Variants in WRAP73 observed in about 807,000 individuals in gnomAD.
WRAP73 encodes the protein WD repeat containing, antisense to TP73, also known as WD repeat-containing protein WRAP73.
Under a neutral mutation model 59.6 loss-of-function variants are expected in WRAP73, and 55 were observed. The observed-to-expected ratio is 0.92, with a 90% CI of 0.74 to 1.15. The LOEUF is 1.15. Ranked by LOEUF, WRAP73 falls within the 50% of genes most tolerant of loss-of-function variation. WRAP73 has a pLI of 0.00. For synonymous variants in WRAP73, 265 were observed against 258.2 expected, an observed-to-expected ratio of 1.03 and a Z score of -0.25; for missense variants, 592 against 608.1, an observed-to-expected ratio of 0.97 and a Z score of 0.28.
At position 3,634,879 on chromosome 1, in the gene WRAP73, G is replaced by A. The variant is rs139536780; in HGVS notation, c.816+118C>T. The stretch of plus-strand genomic sequence containing the variant: ...TGAAATGTCACAGTAGCAAGTTTAC[G>A]GTGATGGAAGTGCCCGGTTAAATAA... On this transcript the variant is annotated intron_variant, in intron 8 of 11. Transcript: ENST00000270708. The A allele has an allele frequency of 5.0e-5, 60 of 1,205,876 alleles. No homozygotes were observed. In the East Asian group the frequency reaches 1.0e-3, roughly 20 times the overall value. The allele number at this position is 1,205,876 out of a possible 1,614,324, so 74.7% of individuals were successfully genotyped here. A position where few individuals can be genotyped will look rare whatever the true frequency, so the allele number is the denominator to read the frequency against.
At chr1:3,640,374 G>T (rs956568272) in intron 3 of WRAP73, among the ~76,000 whole-genome samples, 3 of 151,876 alleles carry the variant, frequency 2.0e-5, no homozygotes, top group South Asian at 2.1e-4. Context: ...TGGGTGCAGC[G>T]CCTGAGGCTC....
At position 3,646,910 on chromosome 1, in the gene WRAP73, T is replaced by C; in HGVS notation, c.223-128A>G. On this transcript the variant is annotated intron_variant, in intron 2 of 11. Coordinates refer to ENST00000270708, the MANE Select transcript of WRAP73 (RefSeq NM_017818.4). The surrounding 1 kb of genome is among the most constrained non-coding windows in gnomAD (Gnocchi z 5.1). Reference sequence around the variant, plus strand: ...TGTCTTCAAACTCATCAGCAGTCTATAGCGAGGCCTCGCCGAGAGACAACT... The same window carrying C: ...TGTCTTCAAACTCATCAGCAGTCTACAGCGAGGCCTCGCCGAGAGACAACT... 1.4e-6 allele frequency: 1 copy of C among 714,972 alleles called. No individual in the cohort carries two copies. The highest frequency in any genetic ancestry group is 2.4e-6 in the Non-Finnish European group (1 of 424,040). 44.3% of individuals were successfully genotyped at this position (714,972 alleles called of 1,614,324 possible). A position where few individuals can be genotyped will look rare whatever the true frequency, so the allele number is the denominator to read the frequency against.
In WRAP73 at chr1:3,631,227, G is replaced by C. The variant is rs74048688; in HGVS notation, c.1241-110C>G. 7.6e-4 allele frequency: 1,159 copies of C among 1,526,542 alleles called. 10 individuals are homozygous for C. The African/African-American group carries it at 0.014, about 19-fold the overall frequency. The allele number at this position is 1,526,542 out of a possible 1,614,324, so 94.6% of individuals were successfully genotyped here. A position where few individuals can be genotyped will look rare whatever the true frequency, so the allele number is the denominator to read the frequency against. On this transcript the variant is annotated intron_variant, in intron 11 of 11. Transcript: ENST00000270708. ...CACAGTGCCTGGAGTGACCCACATA[G>C]GCAGAGCCAGGGTGGAGCCCCAGAG... is the stretch of plus-strand genomic sequence containing the variant.
chr1:3,645,919 G>C (rs534713052), intron 3 of WRAP73, among the ~76,000 whole-genome samples: 1 of 152,132 alleles, frequency 6.6e-6, no homozygotes, highest in East Asian at 1.9e-4. Flanking sequence ...GGTGCGAGCC[G>C]GCTCATATCA....
rs536643698 is a variant in WRAP73, at chr1:3,642,465, A to G, written c.340-3643T>C. ...AAATAAATGCTGCTGGGAGCTGGGC[A>G]CGGTGGCTCACACCTGTAATCCCAG... On this transcript the variant is annotated intron_variant, in intron 3 of 11. Coordinates refer to ENST00000270708, the MANE Select transcript of WRAP73 (RefSeq NM_017818.4). 3.9e-5 allele frequency among the ~76,000 whole-genome samples: 6 copies of G among 152,060 alleles called. No homozygotes were observed. In the East Asian group the frequency reaches 9.7e-4, roughly 25 times the overall value.
rs186050737 is a variant in WRAP73, at chr1:3,632,288, C to G, written c.973G>C (p.Asp325His). The stretch of plus-strand genomic sequence containing the variant: ...ATGCCGATTTTCGGGTTTGCTCTGT[C>G]GGTAACAGGTTTCAGTGTCTGTAAG... ...VSLQTLKPVT[D>H]RANPKIGIGM... The change falls in exon 10 of 12, where the codon GAC (aspartate) becomes CAC (histidine). Residue 325 changes from aspartate (D) to histidine (H), a missense_variant. Transcript: ENST00000270708. The G allele has an allele frequency of 6.4e-5, 104 of 1,614,132 alleles. 1 individual carries two copies. In the East Asian group the frequency reaches 2.1e-3, roughly 33 times the overall value.
chr1:3,638,204 G>A (rs58651937), intron 4 of WRAP73, among the ~76,000 whole-genome samples: 3,831 of 152,320 alleles, frequency 0.025, 156 homozygotes, highest in African/African-American at 0.085. Context: ...CTAGCTCTGC[G>A]CGGTCCAGTT....
At position 3,646,714 on chromosome 1, in the gene WRAP73, C is replaced by T. The variant is rs751942013; in HGVS notation, c.291G>A (p.Ser97=). The T allele has an allele frequency of 1.8e-5, 29 of 1,608,776 alleles. No homozygotes were observed. Among genetic ancestry groups the T allele is most frequent in the Non-Finnish European group, 2.0e-5 (24 of 1,176,144 alleles). Residue 97 remains serine (S), a synonymous_variant, in exon 3 of 12, where the codon TCG becomes TCA. Transcript: ENST00000270708. The surrounding 1 kb of genome is among the most constrained non-coding windows in gnomAD (Gnocchi z 5.1). ...TGTGGCGCCCGTCCGGGCTCCAGCA[C>T]GAGGCCACCAGCCCGGCTGAGCCCT... is the stretch of plus-strand genomic sequence containing the variant. The part of the protein sequence containing the change: ...IDEGSAGLVA[S]CWSPDGRHIL...
chr1:3,649,355 G>A (rs1337833699), intron 1 of WRAP73, among the ~76,000 whole-genome samples: 1 of 152,220 alleles, frequency 6.6e-6, no homozygotes, highest in African/African-American at 2.4e-5. Flanking sequence ...ATGTGGTAGA[G>A]GAGAAGAGAA....
Position 3,646,726 on chromosome 1 carries a change from C to A in WRAP73, c.279G>T (p.Gly93=). ...CCGGGCTCCAGCACGAGGCCACCAGCCCGGCTGAGCCCTCGTCTATTTTGC... is the reference window on the plus strand; with the variant it reads ...CCGGGCTCCAGCACGAGGCCACCAGACCGGCTGAGCCCTCGTCTATTTTGC... ...WHCKIDEGSA[G]LVASCWSPDG... Residue 93 remains glycine, a synonymous_variant, in exon 3 of 12, where the codon GGG becomes GGT. Transcript: ENST00000270708. The surrounding 1 kb of genome is among the most constrained non-coding windows in gnomAD (Gnocchi z 5.1). The A allele has an allele frequency of 6.2e-7, 1 of 1,610,386 alleles. No homozygotes were observed. Among genetic ancestry groups the A allele is most frequent in the Non-Finnish European group, 8.5e-7 (1 of 1,177,476 alleles).
intron 10 of WRAP73, chr1:3,632,008 G>T (rs1644540020): frequency 6.2e-6 from 9 of 1,451,950 alleles, no homozygotes; most frequent in Non-Finnish European, 8.1e-6. Context: ...GAGGCCTCCT[G>T]ACTCATGCGC....
intron 9 of WRAP73, 62 bp downstream of exon 9, chr1:3,633,336 C>G (rs1433096559): frequency 5.4e-6 from 8 of 1,469,388 alleles, no homozygotes; most frequent in African/African-American, 1.4e-5. Context: ...CGAAGTTTAT[C>G]TGGACAACGA....
chr1:3,647,602 C>A (rs1644704332), intron 1 of WRAP73, 42 bp from the exon 2 acceptor site: 1 of 1,595,440 alleles, frequency 6.3e-7, no homozygotes, highest in Non-Finnish European at 8.6e-7. Context: ...TTCTCCACTC[C>A]AAAAGAGGGG....
At chr1:3,636,302 TC>T in intron 5 of WRAP73, 1 of 458,220 alleles carries the variant, frequency 2.2e-6, no homozygotes. Flanking sequence ...CCCTCACCTT[TC>T]CTTGCCTGGC....
intron 3 of WRAP73, 74 bp from the exon 4 acceptor site, chr1:3,638,896 G>A (rs1644612944): frequency 5.8e-6 from 9 of 1,548,128 alleles, no homozygotes; most frequent in East Asian, 2.3e-5. Flanking sequence ...TCCTCAACCC[G>A]CCCACGCGTC....
In WRAP73 at chr1:3,646,557, AG is replaced by A; in HGVS notation, c.339+108del. 1.2e-6 allele frequency: 1 copy of A among 801,742 alleles called. No homozygotes were observed. Among genetic ancestry groups the A allele is most frequent in the Non-Finnish European group, 2.0e-6 (1 of 502,256 alleles). The allele number at this position is 801,742 out of a possible 1,614,324, so 49.7% of individuals were successfully genotyped here. On this transcript the variant is annotated intron_variant, in intron 3 of 11. Transcript: ENST00000270708. This position sits in a 1 kb window ranked among gnomAD's most constrained non-coding sequence, Gnocchi z 5.1. ...TCTTAGAATGCATCCCCTGAGGATAAGGGGAGACTAGCATACTCCAAACACA... is the reference window on the plus strand; with the variant it reads ...TCTTAGAATGCATCCCCTGAGGATAAGGGAGACTAGCATACTCCAAACACA...
intron 3 of WRAP73, among the ~76,000 whole-genome samples, chr1:3,642,041 A>T (rs543153465): frequency 6.6e-6 from 1 of 152,372 alleles, no homozygotes; most frequent in Admixed American, 6.5e-5. Context: ...ATCTGTTTAC[A>T]AACAGTTAAA....
At chr1:3,636,461 G>C in intron 5 of WRAP73, 1 of 299,236 alleles carries the variant, frequency 3.3e-6, no homozygotes, top group Non-Finnish European at 6.5e-6. Flanking sequence ...ACCTTTCCTT[G>C]CCTGGCCAGG....
At chr1:3,631,858 G>A (rs1644537794) in intron 10 of WRAP73, 1 of 1,403,784 alleles carries the variant, frequency 7.1e-7, no homozygotes, top group Non-Finnish European at 9.2e-7. Context: ...GGGCTGTAAG[G>A]GGCCCAAATG....
Sources: allele counts gnomAD v4.1 joint callset (sites outside exome capture counted in the v4.1 genomes callset), GRCh38; gene constraint gnomAD v4.1.1; non-coding constraint Gnocchi (gnomAD v3.1); transcripts MANE v1.5; gene names NCBI Gene and HGNC (gene_info 2026-07-23, HGNC 2026-07-21).